The following SORCS1 variants were observed in gnomAD, a reference collection of about 807,000 sequenced individuals.
The protein encoded by SORCS1 is VPS10 domain-containing receptor SorCS1.
In SORCS1, 60 loss-of-function variants were observed where a neutral mutation model predicts 146.1. That is an observed-to-expected ratio of 0.41 (90% CI 0.33 to 0.51). SORCS1 has a LOEUF of 0.51. SORCS1 is among the 20% of genes least tolerant of loss of function. SORCS1 has a pLI of 0.21. For synonymous variants in SORCS1, 637 were observed against 584.0 expected, an observed-to-expected ratio of 1.09 and a Z score of -1.31; for missense variants, 1,352 against 1,487.6, an observed-to-expected ratio of 0.91 and a Z score of 1.50.
intron 9 of SORCS1, among the ~76,000 whole-genome samples, chr10:106,692,840 G>T (rs970701761): frequency 2.0e-5 from 3 of 151,652 alleles, no homozygotes; most frequent in Non-Finnish European, 2.9e-5. Flanking sequence ...CTAAAGAAAA[G>T]AAAAATATTT....
chr10:106,682,426 A>C (rs990382457), intron 10 of SORCS1, among the ~76,000 whole-genome samples: 10 of 152,306 alleles, frequency 6.6e-5, no homozygotes, highest in African/African-American at 2.2e-4. Context: ...ATTTTCTTCA[A>C]GGAAGTAACA....
chr10:106,776,325 C>T (rs1860429042), intron 4 of SORCS1, among the ~76,000 whole-genome samples: 1 of 152,142 alleles, frequency 6.6e-6, no homozygotes, highest in South Asian at 2.1e-4. Flanking sequence ...TACACCTAAT[C>T]TTTATTTGGT....
intron 2 of SORCS1, among the ~76,000 whole-genome samples, chr10:106,953,932 T>C (rs936388402): frequency 2.0e-5 from 3 of 152,190 alleles, no homozygotes; most frequent in Admixed American, 2.0e-4. Flanking sequence ...CGCGCCACAC[T>C]TTCCCAGATT....
intron 1 of SORCS1, among the ~76,000 whole-genome samples, chr10:107,037,824 T>TTTTA (rs939190855): frequency 3.3e-5 from 5 of 152,064 alleles, no homozygotes; most frequent in Non-Finnish European, 7.4e-5. Flanking sequence ...CTTTATTGAT[T>TTTTA]TTTATTTATT....
intron 3 of SORCS1, among the ~76,000 whole-genome samples, chr10:106,811,336 G>A (rs574616106): frequency 7.6e-4 from 115 of 152,256 alleles, no homozygotes; most frequent in Non-Finnish European, 1.3e-3. Flanking sequence ...TTTTCATAAA[G>A]AGAAAATGTA....
intron 1 of SORCS1, among the ~76,000 whole-genome samples, chr10:107,118,808 A>T (rs2134519570): frequency 6.6e-6 from 1 of 152,288 alleles, no homozygotes; most frequent in East Asian, 1.9e-4. Context: ...TGGGTACCAT[A>T]AAATAACATA....
In SORCS1 at chr10:106,998,702, G is replaced by A. The variant is rs116257334; in HGVS notation, c.559-42122C>T. Among the ~76,000 whole-genome samples the A allele has an allele frequency of 7.1e-3, 1,077 of 152,252 alleles. 11 individuals carry two copies. The highest frequency in any genetic ancestry group is 0.023 in the African/African-American group (969 of 41,550). ...ATCAAACTGAATTATTCATTAGCAC[G>A]AAATGTTTCCAATCCACCCCCTACC... On this transcript the variant is annotated intron_variant, in intron 1 of 25. Transcript: ENST00000263054.
At chr10:106,622,686 C>T (rs1245720982) in intron 19 of SORCS1, among the ~76,000 whole-genome samples, 1 of 152,080 alleles carries the variant, frequency 6.6e-6, no homozygotes, top group Non-Finnish European at 1.5e-5. Flanking sequence ...GCGATGACTA[C>T]AACTAAATGT....
rs552958404 is a variant in SORCS1 at position 106,588,805 on chromosome 10, G to A, written c.3265+8546C>T. 2.4e-3 allele frequency among the ~76,000 whole-genome samples: 339 copies of A among 139,238 alleles called. 1 individual carries two copies. Among genetic ancestry groups the A allele is most frequent in the Admixed American group, 7.7e-3 (100 of 13,024 alleles). The allele number at this position is 139,238 out of a possible 152,430, so 91.3% of individuals were successfully genotyped here. A position where few individuals can be genotyped will look rare whatever the true frequency, so the allele number is the denominator to read the frequency against. Reference sequence around the variant, plus strand: ...GAACCCAGGAGGCAGAGCTTGCAGTGAGCCGAGATCACGCCACTGCACTCC... The same window carrying A: ...GAACCCAGGAGGCAGAGCTTGCAGTAAGCCGAGATCACGCCACTGCACTCC... On this transcript the variant is annotated intron_variant, in intron 24 of 25. Transcript: ENST00000263054.
At chr10:106,594,042 G>T (rs1261523304) in intron 24 of SORCS1, among the ~76,000 whole-genome samples, 1 of 152,172 alleles carries the variant, frequency 6.6e-6, no homozygotes, top group East Asian at 1.9e-4. Flanking sequence ...ACATATCATG[G>T]TTATCAGGAA....
chr10:106,892,896 T>C (rs531437311), intron 2 of SORCS1, among the ~76,000 whole-genome samples: 3 of 44,076 alleles, frequency 6.8e-5, no homozygotes, highest in Non-Finnish European at 1.4e-4. Flanking sequence ...TGGAAAGCCC[T>C]TTTTTTTTTT....
intron 24 of SORCS1, among the ~76,000 whole-genome samples, chr10:106,586,073 CT>C (rs1471823958): frequency 6.6e-6 from 1 of 152,174 alleles, no homozygotes; most frequent in Non-Finnish European, 1.5e-5. Context: ...ATAGCAATAG[CT>C]TATTTACTTT....
At chr10:106,679,002 T>C (rs916560554) in intron 12 of SORCS1, among the ~76,000 whole-genome samples, 1 of 152,186 alleles carries the variant, frequency 6.6e-6, no homozygotes, top group East Asian at 1.9e-4. Context: ...TTTGGTTTCA[T>C]TGTGACTTAT....
intron 2 of SORCS1, among the ~76,000 whole-genome samples, chr10:106,928,083 G>A (rs1953168171): frequency 6.6e-6 from 1 of 152,262 alleles, no homozygotes; most frequent in Non-Finnish European, 1.5e-5. Context: ...GGAGCTGCCT[G>A]CCAGTCCCGC....
At chr10:107,122,680 T>C (rs1483454378) in intron 1 of SORCS1, among the ~76,000 whole-genome samples, 1 of 152,066 alleles carries the variant, frequency 6.6e-6, no homozygotes, top group African/African-American at 2.4e-5. Flanking sequence ...AAAATGTCTA[T>C]CATCTCCTTA....
chr10:107,111,931 T>G (rs1202748072), intron 1 of SORCS1, among the ~76,000 whole-genome samples: 2 of 152,120 alleles, frequency 1.3e-5, no homozygotes, highest in African/African-American at 4.8e-5. Flanking sequence ...ATATTCAAAA[T>G]GTCAAAAGAA....
intron 9 of SORCS1, 47 bp from the exon 10 acceptor site, chr10:106,688,385 A>G (rs751754833): frequency 6.3e-7 from 1 of 1,586,966 alleles, no homozygotes; most frequent in Non-Finnish European, 8.6e-7. Flanking sequence ...TTGAGAAGGG[A>G]TATATTTGTT....
intron 6 of SORCS1, among the ~76,000 whole-genome samples, chr10:106,715,909 C>T (rs368712474): frequency 1.2e-4 from 18 of 152,172 alleles, no homozygotes; most frequent in Middle Eastern, 3.4e-3. Context: ...CATGCCACCA[C>T]GCCTGGCTAA....
chr10:106,906,446 A>T (rs1037230136), intron 2 of SORCS1, among the ~76,000 whole-genome samples: 4 of 152,102 alleles, frequency 2.6e-5, no homozygotes, highest in Non-Finnish European at 5.9e-5. Flanking sequence ...TTACAGTTCC[A>T]CATGACTGAG....
Sources: gnomAD v4.1 joint callset for allele counts (sites outside exome capture counted in the v4.1 genomes callset) on GRCh38, gnomAD v4.1.1 for gene constraint, MANE v1.5 for transcripts, NCBI Gene and HGNC (gene_info 2026-07-23, HGNC 2026-07-21) for gene names.